Variants in C14orf39 observed in about 807,000 individuals in gnomAD.
The protein encoded by C14orf39 is chromosome 14 open reading frame 39, also known as protein SIX6OS1.
In C14orf39, 66 loss-of-function variants were observed where a neutral mutation model predicts 85.6. That is an observed-to-expected ratio of 0.77 (90% CI 0.63 to 0.95). The LOEUF is 0.95. Ranked by LOEUF, C14orf39 falls within the 40% of genes least tolerant of loss-of-function variation. The probability of loss-of-function intolerance (pLI) is 0.00; values close to 1 mark genes in which losing one functional copy is unlikely to be tolerated. For missense variants in C14orf39, 735 were observed against 663.9 expected (o/e 1.11, Z -1.18); for synonymous variants, 242 against 214.0 (o/e 1.13, Z -1.14).
intron 1 of C14orf39, chr14:60,509,916 G>A: frequency 1.9e-6 from 3 of 1,611,670 alleles, no homozygotes; most frequent in East Asian, 2.2e-5. Flanking sequence ...ACGCAGGTGG[G>A]CAACTGGTTC....
chr14:60,493,388 A>C (rs540688439), intron 2 of C14orf39, among the ~76,000 whole-genome samples: 2 of 152,326 alleles, frequency 1.3e-5, no homozygotes, highest in South Asian at 2.1e-4. Flanking sequence ...ACCCAAATAT[A>C]GTTACCTTTT....
At chr14:60,442,966 T>C (rs1219159421) in intron 16 of C14orf39, among the ~76,000 whole-genome samples, 7 of 152,100 alleles carry the variant, frequency 4.6e-5, no homozygotes, top group Non-Finnish European at 8.8e-5. Context: ...TAATTAACTA[T>C]TTGCAATCTT....
rs1295980849 is a variant in C14orf39 at position 60,478,348 on chromosome 14, T to C, written c.275A>G (p.Tyr92Cys). Residue 92 changes from tyrosine (Y) to cysteine (C), a missense_variant, in exon 5 of 18, where the codon TAT (tyrosine) becomes TGT (cysteine). Transcript: ENST00000321731. ...ATAAACAGTAAATTGGTCCTGCATA[T>C]AATCTTCATGTTTACGAAAAACATC... is the stretch of plus-strand genomic sequence containing the variant. Reference protein sequence around the residue: ...TCDVFRKHEDYMQDQFTVYQG... With the variant: ...TCDVFRKHEDCMQDQFTVYQG... The C allele has an allele frequency of 5.1e-6, 8 of 1,583,922 alleles. No homozygotes were observed. The South Asian group carries it at 8.3e-5, about 16-fold the overall frequency.
At position 60,468,902 on chromosome 14, in the gene C14orf39, A is replaced by C. The variant is rs144436835; in HGVS notation, c.676-366T>G. 2.7e-3 allele frequency among the ~76,000 whole-genome samples: 411 copies of C among 151,702 alleles called. 2 individuals carry two copies. Among genetic ancestry groups the C allele is most frequent in the African/African-American group, 8.6e-3 (356 of 41,524 alleles). On this transcript the variant is annotated intron_variant, in intron 8 of 17. Coordinates refer to ENST00000321731, the MANE Select transcript of C14orf39 (RefSeq NM_174978.3). The stretch of plus-strand genomic sequence containing the variant: ...TGATATTACTGTTATTTGGTACCTC[A>C]TACTTAATGAAAGATAAGTATACAG...
intron 15 of C14orf39, among the ~76,000 whole-genome samples, chr14:60,456,711 A>T (rs1891295337): frequency 6.6e-6 from 1 of 152,088 alleles, no homozygotes; most frequent in Non-Finnish European, 1.5e-5. Flanking sequence ...GAGTATTAAT[A>T]ATTGTTAAAA....
intron 1 of C14orf39, among the ~76,000 whole-genome samples, chr14:60,504,706 T>C (rs1893182970): frequency 6.6e-6 from 1 of 152,240 alleles, no homozygotes; most frequent in Non-Finnish European, 1.5e-5. Context: ...TGGTTAGTGC[T>C]GTAAACATTT....
At chr14:60,474,167 T>C (rs1024424087) in intron 5 of C14orf39, among the ~76,000 whole-genome samples, 1 of 152,184 alleles carries the variant, frequency 6.6e-6, no homozygotes, top group African/African-American at 2.4e-5. Flanking sequence ...TTTGAAGCAA[T>C]TGTGAATGGG....
intron 16 of C14orf39, among the ~76,000 whole-genome samples, chr14:60,445,179 G>A (rs1890703832): frequency 6.6e-6 from 1 of 152,108 alleles, no homozygotes; most frequent in African/African-American, 2.4e-5. Flanking sequence ...AAAATAACCA[G>A]CTAACATCAT....
At position 60,472,317 on chromosome 14, in the gene C14orf39, C is replaced by T. The variant is rs556253754; in HGVS notation, c.324-578G>A. 2.0e-5 allele frequency among the ~76,000 whole-genome samples: 3 copies of T among 152,190 alleles called. No homozygotes were observed. The East Asian group carries it at 5.8e-4, about 29-fold the overall frequency. On this transcript the variant is annotated intron_variant, in intron 5 of 17. Coordinates refer to ENST00000321731, the MANE Select transcript of C14orf39 (RefSeq NM_174978.3). ...ATCACAGTTTAGAAGAACTCTACTC[C>T]AGCTCCAATAGTAGTGGATGGTCAT... is the stretch of plus-strand genomic sequence containing the variant.
chr14:60,449,043 GGGGGCT>G (rs980183960), intron 16 of C14orf39, among the ~76,000 whole-genome samples: 1 of 152,110 alleles, frequency 6.6e-6, no homozygotes, highest in African/African-American at 2.4e-5. Flanking sequence ...TCAGGGAGTA[GGGGGCT>G]GGGGGAGGGA....
At chr14:60,482,912 T>TGTGTGGC (rs1566681584) in intron 4 of C14orf39, among the ~76,000 whole-genome samples, 3 of 77,316 alleles carry the variant, frequency 3.9e-5, no homozygotes, top group African/African-American at 6.2e-5. Context: ...GTGTGTGTGG[T>TGTGTGGC]GTGCATAATA....
chr14:60,512,020 TACCTATACAA>T (rs1893302654), intron 1 of C14orf39: 1 of 3,806 alleles, frequency 2.6e-4, no homozygotes, highest in Non-Finnish European at 1.8e-3. Context: ...TATATGTATG[TACCTATACAA>T]ACATATGTAT....
At chr14:60,458,797 C>A in intron 13 of C14orf39, 58 bp from the exon 14 acceptor site, 1 of 1,391,964 alleles carries the variant, frequency 7.2e-7, no homozygotes, top group South Asian at 1.3e-5. Context: ...TAAAATAAAA[C>A]ATAGTCTCGC....
chr14:60,499,727 A>G (rs566170943), intron 1 of C14orf39, among the ~76,000 whole-genome samples: 2 of 152,378 alleles, frequency 1.3e-5, no homozygotes, highest in Non-Finnish European at 2.9e-5. Context: ...TCAACTTGAT[A>G]AAGTTAAAAG....
At chr14:60,490,682 C>T (rs1892977309), upstream of C14orf39, among the ~76,000 whole-genome samples, 1 of 151,902 alleles carries the variant, frequency 6.6e-6, no homozygotes, top group Non-Finnish European at 1.5e-5. Flanking sequence ...ACAAAACTCC[C>T]CAGAATAGCT....
intron 13 of C14orf39, among the ~76,000 whole-genome samples, chr14:60,460,848 A>G (rs1328809986): frequency 6.6e-6 from 1 of 151,852 alleles, no homozygotes; most frequent in Non-Finnish European, 1.5e-5. Context: ...GATTAATGTA[A>G]AAGAATATAG....
At chr14:60,457,224 A>T (rs1216457375) in intron 14 of C14orf39, 129 bp from the exon 15 acceptor site, 1 of 466,350 alleles carries the variant, frequency 2.1e-6, no homozygotes, top group Non-Finnish European at 3.7e-6. Context: ...AAATAACTGA[A>T]ATAAGAATAA....
intron 16 of C14orf39, among the ~76,000 whole-genome samples, chr14:60,449,699 C>G (rs890938570): frequency 1.3e-5 from 2 of 151,862 alleles, no homozygotes; most frequent in Non-Finnish European, 2.9e-5. Flanking sequence ...TTTGTTTTTC[C>G]ATTTCACTGA....
Position 60,465,987 on chromosome 14 carries a change from C to G in C14orf39, c.964G>C (p.Asp322His). ...ANIDFRQKEN[D>H]TQIFNDSAVD... ...AAAAGTGAGACACCTACCTGTGTAT[C>G]ATTTTCTTTTTGTCTAAAGTCAATA... Residue 322 changes from aspartate to histidine, a missense_variant, in exon 11 of 18, where the codon GAT becomes CAT. Asp to His is a moderately conservative substitution (Grantham distance 81). Transcript: ENST00000321731. The G allele has an allele frequency of 6.4e-7, 1 of 1,550,988 alleles. No homozygotes were observed. The highest frequency in any genetic ancestry group is 8.7e-7 in the Non-Finnish European group (1 of 1,151,664).
Sources: allele counts gnomAD v4.1 joint callset (sites outside exome capture counted in the v4.1 genomes callset), GRCh38; gene constraint gnomAD v4.1.1; transcripts MANE v1.5; gene names NCBI Gene and HGNC (gene_info 2026-07-23, HGNC 2026-07-21).